EPG5: variants seen among roughly 807,000 people sequenced by gnomAD.
EPG5 encodes ectopic P-granules 5 autophagy tethering factor.
A neutral mutation model predicts 302.7 loss-of-function variants in EPG5; 159 were observed. The ratio of observed to expected loss-of-function variants is 0.53; its 90% CI spans 0.46 to 0.60. EPG5 has a LOEUF of 0.60. Among genes scored for constraint, EPG5 ranks in the 20% least tolerant of loss-of-function variants. The pLI is 0.00. For synonymous variants in EPG5, 1,158 were observed against 1,136.8 expected (o/e 1.02, Z -0.37); for missense variants, 2,896 against 3,092.4 (o/e 0.94, Z 1.51).
intron 42 of EPG5, among the ~76,000 whole-genome samples, chr18:45,856,545 A>C (rs552554195): frequency 6.6e-6 from 1 of 152,252 alleles, no homozygotes; most frequent in Non-Finnish European, 1.5e-5. Context: ...GTTACCATGG[A>C]AAGTTTTAAG....
intron 27 of EPG5, among the ~76,000 whole-genome samples, chr18:45,898,021 G>A (rs2049519357): frequency 6.6e-6 from 1 of 152,206 alleles, no homozygotes; most frequent in Admixed American, 6.5e-5. Flanking sequence ...TTCAGCTTAA[G>A]GAATACTGAC....
At chr18:45,838,753 A>T in the EPG5 span, 2 of 1,582,598 alleles carry the variant, frequency 1.3e-6, no homozygotes, top group African/African-American at 1.4e-5. Context: ...GGTGCTGCCC[A>T]GTCCGGCTCA....
intron 2 of EPG5, among the ~76,000 whole-genome samples, chr18:45,952,904 T>A (rs986937115): frequency 6.6e-6 from 1 of 151,874 alleles, no homozygotes; most frequent in Non-Finnish European, 1.5e-5. Flanking sequence ...CCAGGCGCGG[T>A]GGCTGATGCT....
the EPG5 span, among the ~76,000 whole-genome samples, chr18:45,816,478 T>C: frequency 6.6e-6 from 1 of 151,676 alleles, no homozygotes; most frequent in African/African-American, 2.4e-5. Context: ...GGGACATAAA[T>C]AGACAATTCT....
chr18:45,858,820 G>C (rs748459000), intron 40 of EPG5, 38 bp from the exon 41 acceptor site: 1 of 1,462,706 alleles, frequency 6.8e-7, no homozygotes, highest in Admixed American at 1.7e-5. Context: ...ATATAGGCAA[G>C]AATCCAATTA....
At position 45,882,494 on chromosome 18, in the gene EPG5, A is replaced by T. The variant is rs1205420650; in HGVS notation, c.5305-7T>A. On this transcript the variant is annotated splice_region_variant and splice_polypyrimidine_tract_variant and intron_variant, in intron 30 of 43. Coordinates refer to ENST00000282041, the MANE Select transcript of EPG5 (RefSeq NM_020964.3). Reference sequence around the variant, plus strand: ...ACCATTGTTTAAGATCGAACTAAAAAGAAAAAGAAACAAAAAGCCGTTTTA... The same window carrying T: ...ACCATTGTTTAAGATCGAACTAAAATGAAAAAGAAACAAAAAGCCGTTTTA... The T allele has an allele frequency of 1.3e-6, 2 of 1,598,508 alleles. No homozygotes were observed. The highest frequency in any genetic ancestry group is 1.8e-5 in the Admixed American group (1 of 56,564).
chr18:45,922,809 C>T (rs1370234464), intron 15 of EPG5, among the ~76,000 whole-genome samples: 1 of 152,194 alleles, frequency 6.6e-6, no homozygotes, highest in Non-Finnish European at 1.5e-5. Flanking sequence ...TGAACCTGAT[C>T]TTAGCTCATG....
chr18:45,857,930 G>T lies in EPG5; in HGVS notation c.7365C>A (p.Asn2455Lys). The change falls in exon 42 of 44, where the codon AAC becomes AAA. Residue 2455 changes from asparagine (N) to lysine (K), a missense_variant. Transcript: ENST00000282041. ...AGCTGAGTCTCTCCTCAGCCACGAGGTTCTGCCTGCTCTGAACCAAGAGCA... is the reference window on the plus strand; with the variant it reads ...AGCTGAGTCTCTCCTCAGCCACGAGTTTCTGCCTGCTCTGAACCAAGAGCA... ...RILLLVQSRQ[N>K]LVAEERLSSG... The T allele has an allele frequency of 6.2e-7, 1 of 1,613,038 alleles. No homozygotes were observed.
At chr18:45,880,964 C>A (rs2049086725) in intron 31 of EPG5, among the ~76,000 whole-genome samples, 2 of 152,020 alleles carry the variant, frequency 1.3e-5, no homozygotes, top group African/African-American at 4.8e-5. Flanking sequence ...AGGACAGCGC[C>A]CCAAAATTAA....
intron 1 of EPG5, among the ~76,000 whole-genome samples, chr18:45,959,516 G>A (rs1487026503): frequency 6.6e-6 from 1 of 151,478 alleles, no homozygotes; most frequent in Admixed American, 6.6e-5. Flanking sequence ...CGTGGTGGCA[G>A]GCACCTGCAG....
chr18:45,867,026 T>A lies in EPG5; in HGVS notation c.6412-19A>T. The A allele has an allele frequency of 6.3e-7, 1 of 1,595,512 alleles. No individual in the cohort carries two copies. On this transcript the variant is annotated intron_variant, in intron 37 of 43. Transcript: ENST00000282041. ...GTGAATCCTAAAAATAAAACACATA[T>A]TCCTTTAGTTCCAGAGCCCCAATTT...
chr18:45,837,878 G>A, the EPG5 span: 1 of 1,529,522 alleles, frequency 6.5e-7, no homozygotes, highest in Admixed American at 1.9e-5. Flanking sequence ...CCGCCACGGC[G>A]TCCGGCTGCA....
At chr18:45,917,557 G>T in intron 17 of EPG5, 122 bp downstream of exon 17, 2 of 1,118,594 alleles carry the variant, frequency 1.8e-6, no homozygotes, top group Non-Finnish European at 1.3e-6. Context: ...GAATATTTTT[G>T]CCCCATAATA....
intron 23 of EPG5, among the ~76,000 whole-genome samples, chr18:45,909,922 T>A (rs184352476): frequency 6.6e-6 from 1 of 152,180 alleles, no homozygotes; most frequent in African/African-American, 2.4e-5. Flanking sequence ...ATCGTGCCTA[T>A]GAATAGCCAC....
chr18:45,922,238 G>T, intron 16 of EPG5, 103 bp downstream of exon 16: 2 of 1,431,334 alleles, frequency 1.4e-6, no homozygotes, highest in Non-Finnish European at 1.9e-6. Flanking sequence ...CAATTGCTCC[G>T]CAATAGGTTT....
chr18:45,936,121 C>T (rs2050516708), intron 10 of EPG5, among the ~76,000 whole-genome samples: 1 of 152,144 alleles, frequency 6.6e-6, no homozygotes, highest in Non-Finnish European at 1.5e-5. Context: ...CAAGAATTTA[C>T]ACCTTTATAG....
chr18:45,837,920 C>G, the EPG5 span: 1 of 1,467,140 alleles, frequency 6.8e-7, no homozygotes, highest in Non-Finnish European at 8.9e-7. Context: ...GGAGCGGGTC[C>G]CCGGCCTCCC....
At chr18:45,887,653 G>T in intron 29 of EPG5, 98 bp downstream of exon 29, 1 of 1,069,050 alleles carries the variant, frequency 9.4e-7, no homozygotes, top group Non-Finnish European at 1.3e-6. Context: ...CTCTGAACCT[G>T]TAATATAAGT....
chr18:45,955,806 TC>T (rs1183623500), intron 1 of EPG5, among the ~76,000 whole-genome samples: 4 of 151,974 alleles, frequency 2.6e-5, no homozygotes, highest in Non-Finnish European at 4.4e-5. Context: ...AAAATAAATA[TC>T]CAGGAGCCCA....
Sources: gnomAD v4.1 joint callset for allele counts (sites outside exome capture counted in the v4.1 genomes callset) on GRCh38, gnomAD v4.1.1 for gene constraint, MANE v1.5 for transcripts, NCBI Gene and HGNC (gene_info 2026-07-23, HGNC 2026-07-21) for gene names.